The following COX7B variants were observed in gnomAD, a reference collection of about 807,000 sequenced individuals.
COX7B encodes cytochrome c oxidase subunit 7B, mitochondrial.
A neutral mutation model predicts 7.9 loss-of-function variants in COX7B; 2 were observed. That is an observed-to-expected ratio of 0.25 (90% CI 0.10 to 0.79). The LOEUF is 0.79. Among genes scored for constraint, COX7B ranks in the 30% least tolerant of loss-of-function variants. The pLI is 0.69. For synonymous variants in COX7B, 19 were observed against 21.1 expected (o/e 0.90, Z 0.27); for missense variants, 54 against 62.7 (o/e 0.86, Z 0.47).
chrX:77,906,422 A>G lies in COX7B; in HGVS notation c.*1161A>G, dbSNP rs1475944315. Reference sequence around the variant, plus strand: ...CTGTTTTGGCATATTCATCTTGATTATAGCTCTTGGTCTTTCATCATATTA... The same window carrying G: ...CTGTTTTGGCATATTCATCTTGATTGTAGCTCTTGGTCTTTCATCATATTA... On this transcript the variant is annotated 3_prime_UTR_variant, in exon 3 of 3. Coordinates refer to ENST00000650309, the MANE Select transcript of COX7B (RefSeq NM_001866.3). 4.5e-5 allele frequency: 5 copies of G among 111,893 alleles called. No individual in the cohort carries two copies. Among genetic ancestry groups the G allele is most frequent in the African/African-American group, 1.3e-4 (4 of 30,818 alleles). The allele number at this position is 111,893 out of a possible 1,213,427, so 9.2% of individuals were successfully genotyped here. A position where few individuals can be genotyped will look rare whatever the true frequency, so the allele number is the denominator to read the frequency against.
chrX:77,900,812 T>G (rs1405083828), intron 1 of COX7B, among the ~76,000 whole-genome samples: 2 of 112,545 alleles, frequency 1.8e-5, no homozygotes, highest in Non-Finnish European at 3.7e-5. Flanking sequence ...AATTTGTAAA[T>G]AATGCCTACT....
At chrX:77,899,652 CCT>C (rs1240968409) in intron 1 of COX7B, 59 bp downstream of exon 1, 2 of 1,095,092 alleles carry the variant, frequency 1.8e-6, no homozygotes, top group Non-Finnish European at 2.5e-6. Flanking sequence ...GTCCTCGCGG[CCT>C]CTCGTGTGCT....
chrX:77,901,072 C>A (rs1336908591), intron 1 of COX7B, among the ~76,000 whole-genome samples: 1 of 110,567 alleles, frequency 9.0e-6, no homozygotes, highest in Non-Finnish European at 1.9e-5. Flanking sequence ...TTTTCTGGAG[C>A]AGAATATATT....
chrX:77,900,838 G>A (rs1031306053), intron 1 of COX7B, among the ~76,000 whole-genome samples: 8 of 112,333 alleles, frequency 7.1e-5, no homozygotes, highest in African/African-American at 2.3e-4. Flanking sequence ...GGGTTGTTGA[G>A]GATTATATGA....
chrX:77,903,440 C>T (rs1024225583), intron 2 of COX7B, among the ~76,000 whole-genome samples: 16 of 109,784 alleles, frequency 1.5e-4, no homozygotes, highest in African/African-American at 5.3e-4. Context: ...GTGATCCGCC[C>T]GCCTTGGTTT....
chrX:77,902,633 T>C lies in COX7B; in HGVS notation c.41-10T>C. 1 of 1,208,150 alleles carries C rather than the reference T, an allele frequency of 8.3e-7. No homozygotes were observed. Among genetic ancestry groups the C allele is most frequent in the Non-Finnish European group, 1.1e-6 (1 of 894,585 alleles). ...TATGCTTCTGTATTCTTTTTTCGTT[T>C]TCCTGTAAGTTCGAAGCATTCAGCA... On this transcript the variant is annotated splice_polypyrimidine_tract_variant and intron_variant, in intron 1 of 2. Coordinates refer to ENST00000650309, the MANE Select transcript of COX7B (RefSeq NM_001866.3).
In COX7B at chrX:77,903,043, TAAG is replaced by T. The variant is rs1247768661; in HGVS notation, c.165+283_165+285del. The T allele has an allele frequency of 7.2e-5, 14 of 193,872 alleles. No individual in the cohort carries two copies. In the East Asian group the frequency reaches 1.1e-3, roughly 15 times the overall value. 16.0% of individuals were successfully genotyped at this position (193,872 alleles called of 1,213,427 possible). On this transcript the variant is annotated intron_variant, in intron 2 of 2. Transcript: ENST00000650309. ...TTTTGTTTTTGTTTTTTTTTTTTTT[TAAG>T]AAGAAGTCTTGCTGTGTCCCCCAGG...
Position 77,903,028 on chromosome X carries a change from G to T in COX7B, c.165+261G>T, listed in dbSNP as rs374111070. 2.0e-3 allele frequency: 290 copies of T among 147,407 alleles called. 3 individuals carry two copies. Among genetic ancestry groups the T allele is most frequent in the African/African-American group, 6.7e-3 (181 of 26,994 alleles). The allele number at this position is 147,407 out of a possible 1,213,427, so 12.1% of individuals were successfully genotyped here. A position where few individuals can be genotyped will look rare whatever the true frequency, so the allele number is the denominator to read the frequency against. ...TTGTGTAGCTGTTTTTTTTGTTTTTGTTTTTTTTTTTTTTTAAGAAGAAGT... is the reference window on the plus strand; with the variant it reads ...TTGTGTAGCTGTTTTTTTTGTTTTTTTTTTTTTTTTTTTTTAAGAAGAAGT... On this transcript the variant is annotated intron_variant, in intron 2 of 2. Transcript: ENST00000650309.
At chrX:77,903,005 G>T in intron 2 of COX7B, 5 of 255,807 alleles carry the variant, frequency 2.0e-5, no homozygotes, top group Non-Finnish European at 3.4e-5. Context: ...TTTCCATCTT[G>T]TGTAGCTGTT....
intron 2 of COX7B, 153 bp downstream of exon 2, chrX:77,902,920 TC>T: frequency 2.2e-6 from 1 of 453,668 alleles, no homozygotes; most frequent in Non-Finnish European, 3.4e-6. Flanking sequence ...GGGGATTTTT[TC>T]CCCCCAGCAT....
chrX:77,904,179 AC>A (rs1279171524), intron 2 of COX7B, among the ~76,000 whole-genome samples: 1 of 106,304 alleles, frequency 9.4e-6, no homozygotes, highest in East Asian at 3.0e-4. Flanking sequence ...TGATCCACCC[AC>A]CTCGGCCTCC....
rs782016968 is a variant in COX7B at position 77,905,657 on chromosome X, AT to A, written c.*410del. On this transcript the variant is annotated 3_prime_UTR_variant, in exon 3 of 3. Transcript: ENST00000650309. ...AGGCACATGCCATGACGCCCAGCTA[AT>A]TTTTTTTTTTTTTGAGACGGAGTCT... The A allele has an allele frequency of 4.6e-3, 459 of 100,834 alleles. No homozygotes were observed. Among genetic ancestry groups the A allele is most frequent in the Middle Eastern group, 9.9e-3 (2 of 203 alleles). 8.3% of individuals were successfully genotyped at this position (100,834 alleles called of 1,213,427 possible).
At position 77,905,343 on chromosome X, in the gene COX7B, G is replaced by T. The variant is rs41304464; in HGVS notation, c.*82G>T. ...AATTAAAGCACTGTGTACCCATTAA[G>T]ATATGGCATTATTGAAGAAATAAAG... On this transcript the variant is annotated 3_prime_UTR_variant, in exon 3 of 3. Coordinates refer to ENST00000650309, the MANE Select transcript of COX7B (RefSeq NM_001866.3). 9.0e-3 allele frequency: 6,403 copies of T among 709,567 alleles called. 29 individuals carry two copies. The highest frequency in any genetic ancestry group is 9.8e-3 in the Non-Finnish European group (4,481 of 457,050). The allele number at this position is 709,567 out of a possible 1,213,427, so 58.5% of individuals were successfully genotyped here.
Position 77,905,381 on chromosome X carries a change from C to T in COX7B, c.*120C>T. The T allele has an allele frequency of 1.9e-6, 1 of 521,128 alleles. No homozygotes were observed. Among genetic ancestry groups the T allele is most frequent in the South Asian group, 3.4e-5 (1 of 29,781 alleles). The allele number at this position is 521,128 out of a possible 1,213,427, so 42.9% of individuals were successfully genotyped here. A position where few individuals can be genotyped will look rare whatever the true frequency, so the allele number is the denominator to read the frequency against. On this transcript the variant is annotated 3_prime_UTR_variant, in exon 3 of 3. Transcript: ENST00000650309. ...TGAAGAAATAAAGTACATTTGAAAC[C>T]TTCATTGTAGGTTTTGTTTCTTTGT...
At position 77,905,385 on chromosome X, in the gene COX7B, A is replaced by T. The variant is rs1273985439; in HGVS notation, c.*124A>T. 8.1e-6 allele frequency: 4 copies of T among 491,844 alleles called. No homozygotes were observed. In the African/African-American group the frequency reaches 9.8e-5, roughly 12 times the overall value. 40.5% of individuals were successfully genotyped at this position (491,844 alleles called of 1,213,427 possible). On this transcript the variant is annotated 3_prime_UTR_variant, in exon 3 of 3. Coordinates refer to ENST00000650309, the MANE Select transcript of COX7B (RefSeq NM_001866.3). ...GAAATAAAGTACATTTGAAACCTTCATTGTAGGTTTTGTTTCTTTGTAAAT... is the reference window on the plus strand; with the variant it reads ...GAAATAAAGTACATTTGAAACCTTCTTTGTAGGTTTTGTTTCTTTGTAAAT...
rs1557220654 is a variant in COX7B at position 77,901,634 on chromosome X, G to A, written c.41-1009G>A. The A allele has an allele frequency of 2.7e-5, 3 of 111,501 alleles. No homozygotes were observed. In the South Asian group the frequency reaches 1.1e-3, roughly 41 times the overall value. The allele number at this position is 111,501 out of a possible 1,213,427, so 9.2% of individuals were successfully genotyped here. On this transcript the variant is annotated intron_variant, in intron 1 of 2. Coordinates refer to ENST00000650309, the MANE Select transcript of COX7B (RefSeq NM_001866.3). ...CTTAGCTAATTCTGCTTCCTTGTAC[G>A]ATACTGATTTTTATCTACATGTGTA...
In COX7B at chrX:77,905,495, T is replaced by C; in HGVS notation, c.*234T>C. 1 of 254,548 alleles carries C rather than the reference T, an allele frequency of 3.9e-6. No homozygotes were observed. Among genetic ancestry groups the C allele is most frequent in the Admixed American group, 7.3e-5 (1 of 13,664 alleles). The allele number at this position is 254,548 out of a possible 1,213,427, so 21.0% of individuals were successfully genotyped here. On this transcript the variant is annotated 3_prime_UTR_variant, in exon 3 of 3. Coordinates refer to ENST00000650309, the MANE Select transcript of COX7B (RefSeq NM_001866.3). Reference sequence around the variant, plus strand: ...TTCTTAAATAGGTTTTTTTTTTTTTTTTTTTTTTTTTTTGGGACGAAGTCT... The same window carrying C: ...TTCTTAAATAGGTTTTTTTTTTTTTCTTTTTTTTTTTTTGGGACGAAGTCT...
chrX:77,900,846 T>C (rs895474043), intron 1 of COX7B, among the ~76,000 whole-genome samples: 4 of 112,467 alleles, frequency 3.6e-5, no homozygotes, highest in African/African-American at 1.3e-4. Flanking sequence ...GAGGATTATA[T>C]GAGATCACCA....
At chrX:77,904,849 A>G (rs2038888727) in intron 2 of COX7B, among the ~76,000 whole-genome samples, 1 of 111,788 alleles carries the variant, frequency 8.9e-6, no homozygotes, top group South Asian at 3.7e-4. Context: ...TGTGAAGTAT[A>G]AATTTGAATT....
Sources: allele counts gnomAD v4.1 joint callset (sites outside exome capture counted in the v4.1 genomes callset), GRCh38; gene constraint gnomAD v4.1.1; transcripts MANE v1.5; gene names NCBI Gene and HGNC (gene_info 2026-07-23, HGNC 2026-07-21).